Variants in HOMER1 observed in about 807,000 individuals in gnomAD.
The protein encoded by HOMER1 is homer scaffold protein 1, also known as homer protein homolog 1.
In HOMER1, 3 loss-of-function variants were observed where a neutral mutation model predicts 48.9. The observed-to-expected ratio is 0.06, with a 90% CI of 0.03 to 0.16. The LOEUF (loss-of-function observed/expected upper bound fraction) is 0.16, where lower values mean the gene tolerates loss of function less well. Among genes scored for constraint, HOMER1 ranks in the 10% least tolerant of loss-of-function variants. HOMER1 has a pLI of 1.00. For synonymous variants in HOMER1, 134 were observed against 146.4 expected, an observed-to-expected ratio of 0.92 and a Z score of 0.61; for missense variants, 247 against 411.4, an observed-to-expected ratio of 0.60 and a Z score of 3.46.
chr5:79,473,058 T>C (rs531996404), intron 1 of HOMER1, among the ~76,000 whole-genome samples: 1 of 152,310 alleles, frequency 6.6e-6, no homozygotes, highest in South Asian at 2.1e-4. Flanking sequence ...ATCCCATAAA[T>C]ATCAACTTTA....
intron 3 of HOMER1, among the ~76,000 whole-genome samples, chr5:79,450,315 T>G (rs992666686): frequency 6.6e-6 from 1 of 152,230 alleles, no homozygotes; most frequent in African/African-American, 2.4e-5. Flanking sequence ...TTCTTATATA[T>G]TCTTTTCTGT....
At chr5:79,377,710 T>A (rs981328565) in intron 8 of HOMER1, among the ~76,000 whole-genome samples, 5 of 152,106 alleles carry the variant, frequency 3.3e-5, no homozygotes, top group Non-Finnish European at 7.3e-5. Flanking sequence ...ATCTGGTAAA[T>A]GTTAAATGAA....
intron 2 of HOMER1, among the ~76,000 whole-genome samples, chr5:79,453,241 C>A (rs1026126564): frequency 1.3e-5 from 2 of 152,064 alleles, no homozygotes; most frequent in African/African-American, 4.8e-5. Flanking sequence ...CCTGAGGGGG[C>A]ACATCTGAAC....
chr5:79,416,774 G>A (rs548576868), intron 5 of HOMER1, among the ~76,000 whole-genome samples: 7 of 152,236 alleles, frequency 4.6e-5, no homozygotes, highest in Admixed American at 3.9e-4. Flanking sequence ...CTCGCTGCTG[G>A]TTTCTACCCA....
At chr5:79,419,142 T>C (rs1184069415) in intron 5 of HOMER1, among the ~76,000 whole-genome samples, 2 of 152,142 alleles carry the variant, frequency 1.3e-5, no homozygotes, top group African/African-American at 4.8e-5. Context: ...ATGGAAATAA[T>C]AGACATCTAT....
chr5:79,397,724 T>C, intron 6 of HOMER1, 87 bp from the exon 7 acceptor site: 2 of 665,044 alleles, frequency 3.0e-6, no homozygotes, highest in Admixed American at 2.7e-5. Context: ...AAGTGAATAG[T>C]ATATTCTGAA....
intron 5 of HOMER1, 102 bp downstream of exon 5, chr5:79,438,908 C>A: frequency 4.5e-6 from 4 of 889,042 alleles, no homozygotes; most frequent in Non-Finnish European, 6.8e-6. Context: ...CAAAGTCAAC[C>A]TGGAGTTTTC....
At chr5:79,417,021 T>C (rs1427721595) in intron 5 of HOMER1, among the ~76,000 whole-genome samples, 1 of 152,182 alleles carries the variant, frequency 6.6e-6, no homozygotes, top group Non-Finnish European at 1.5e-5. Context: ...GTGGACCTAC[T>C]GCTAGTTCCT....
chr5:79,392,712 A>C (rs1390597979), intron 8 of HOMER1, among the ~76,000 whole-genome samples: 5 of 152,158 alleles, frequency 3.3e-5, no homozygotes, highest in Admixed American at 3.3e-4. Context: ...TTAGGTCTTC[A>C]AATTCACTCA....
At chr5:79,421,320 TTA>T (rs1750093512) in intron 5 of HOMER1, among the ~76,000 whole-genome samples, 1 of 152,230 alleles carries the variant, frequency 6.6e-6, no homozygotes, top group Non-Finnish European at 1.5e-5. Flanking sequence ...AAATGTTTAG[TTA>T]TGTTATGCTG....
At chr5:79,488,590 C>T (rs1167636377) in intron 1 of HOMER1, among the ~76,000 whole-genome samples, 4 of 152,194 alleles carry the variant, frequency 2.6e-5, no homozygotes, top group South Asian at 4.1e-4. Context: ...GCTGACCATA[C>T]CAAAATGCTG....
intron 1 of HOMER1, among the ~76,000 whole-genome samples, chr5:79,461,098 G>GA (rs1457325683): frequency 6.6e-6 from 1 of 152,098 alleles, no homozygotes; most frequent in African/African-American, 2.4e-5. Context: ...AGAGTTTGGG[G>GA]AATCACCAGA....
Position 79,513,485 on chromosome 5 carries a change from A to C in HOMER1, c.-711T>G, listed in dbSNP as rs1753000434. The stretch of plus-strand genomic sequence containing the variant: ...AGGATCGATTCATTCTCCCGAAGAG[A>C]ATAAACGGAGCCATTTCCAGGCTGG... On this transcript the variant is annotated 5_prime_UTR_variant, in exon 1 of 9. It adds an upstream start codon to the 5' untranslated region. Transcript: ENST00000334082. 1.3e-5 allele frequency: 2 copies of C among 152,692 alleles called. No homozygotes were observed. The highest frequency in any genetic ancestry group is 2.1e-4 in the South Asian group (1 of 4,836). The allele number at this position is 152,692 out of a possible 1,614,324, so 9.5% of individuals were successfully genotyped here. A position where few individuals can be genotyped will look rare whatever the true frequency, so the allele number is the denominator to read the frequency against.
chr5:79,500,983 C>T (rs953702378), intron 1 of HOMER1, among the ~76,000 whole-genome samples: 1 of 148,978 alleles, frequency 6.7e-6, no homozygotes, highest in Admixed American at 6.7e-5. Flanking sequence ...CACACACACA[C>T]ACACACACAC....
At chr5:79,417,462 T>C (rs1749977829) in intron 5 of HOMER1, among the ~76,000 whole-genome samples, 1 of 152,212 alleles carries the variant, frequency 6.6e-6, no homozygotes, top group South Asian at 2.1e-4. Context: ...CTTAAAAAAC[T>C]GACCATTGAT....
chr5:79,379,194 T>G (rs1377863953), intron 8 of HOMER1, among the ~76,000 whole-genome samples: 2 of 91,354 alleles, frequency 2.2e-5, no homozygotes, highest in Non-Finnish European at 4.1e-5. Flanking sequence ...TATATATCTA[T>G]AATATATATT....
intron 4 of HOMER1, among the ~76,000 whole-genome samples, chr5:79,442,043 A>T (rs1323126991): frequency 1.3e-5 from 2 of 152,016 alleles, no homozygotes; most frequent in Non-Finnish European, 2.9e-5. Context: ...AATGAAATAA[A>T]AACAGATGAA....
At position 79,511,241 on chromosome 5, in the gene HOMER1, T is replaced by TAGTATTTTTC. The variant is rs140830636; in HGVS notation, c.5+1519_5+1528dup. Among the ~76,000 whole-genome samples the TAGTATTTTTC allele has an allele frequency of 8.0e-3, 1,225 of 152,298 alleles. 23 individuals carry two copies. Among genetic ancestry groups the TAGTATTTTTC allele is most frequent in the African/African-American group, 0.028 (1,163 of 41,546 alleles). On this transcript the variant is annotated intron_variant, in intron 1 of 8. Coordinates refer to ENST00000334082, the MANE Select transcript of HOMER1 (RefSeq NM_004272.5). ...GCCATATTTCTAAGGTTTTGAACAG[T>TAGTATTTTTC]AGTATTTTTCAGTATTTTTCTCATT...
intron 5 of HOMER1, among the ~76,000 whole-genome samples, chr5:79,435,035 C>T (rs1338150009): frequency 6.6e-6 from 1 of 152,104 alleles, no homozygotes; most frequent in African/African-American, 2.4e-5. Context: ...GCCATTTTTT[C>T]ATAACTGTTG....
Sources: allele counts gnomAD v4.1 joint callset (sites outside exome capture counted in the v4.1 genomes callset), GRCh38; gene constraint gnomAD v4.1.1; transcripts MANE v1.5; gene names NCBI Gene and HGNC (gene_info 2026-07-23, HGNC 2026-07-21).